Variants in GNB1L observed in about 807,000 individuals in gnomAD.
GNB1L encodes the protein G protein subunit beta 1 like.
In GNB1L, 20 loss-of-function variants were observed where a neutral mutation model predicts 29.1. That is an observed-to-expected ratio of 0.69 (90% CI 0.48 to 1.00). The LOEUF is 1.00. Ranked by LOEUF, GNB1L falls within the 50% of genes least tolerant of loss-of-function variation. The pLI is 0.00. For synonymous variants in GNB1L, 193 were observed against 206.5 expected (o/e 0.93, Z 0.56); for missense variants, 421 against 464.9 (o/e 0.91, Z 0.87).
chr22:19,848,079 A>G (rs1456684328), intron 2 of GNB1L: 8 of 985,174 alleles, frequency 8.1e-6, no homozygotes, highest in Non-Finnish European at 9.6e-6. Context: ...TGCTTTAACT[A>G]TTGTGGCTTT....
Position 19,784,045 on chromosome 22 carries a change from A to G in GNB1L, c.*4664T>C, listed in dbSNP as rs2073762. The stretch of plus-strand genomic sequence containing the variant: ...GGACCACAGGGCTGGTGGGGCTGGC[A>G]GCTTGGTAGAGGGCAGGTGCACAGC... On this transcript the variant is annotated 3_prime_UTR_variant, in exon 8 of 8. Transcript: ENST00000329517. The G allele has an allele frequency of 0.52, 78,825 of 152,190 alleles. 21,262 individuals are homozygous for G. The highest frequency in any genetic ancestry group is 0.66 in the African/African-American group (27,282 of 41,490). The allele number at this position is 152,190 out of a possible 1,614,324, so 9.4% of individuals were successfully genotyped here.
At chr22:19,847,455 A>G in intron 2 of GNB1L, 1 of 985,422 alleles carries the variant, frequency 1.0e-6, no homozygotes, top group Non-Finnish European at 1.2e-6. Context: ...CAGCCAAGGC[A>G]CTGCATGGGC....
chr22:19,842,589 G>C (rs1937880869), intron 2 of GNB1L, among the ~76,000 whole-genome samples: 1 of 152,230 alleles, frequency 6.6e-6, no homozygotes, highest in African/African-American at 2.4e-5. Flanking sequence ...CCCTTCAAGG[G>C]AGGCCAGACC....
intron 2 of GNB1L, chr22:19,847,744 A>C: frequency 1.0e-6 from 1 of 972,834 alleles, no homozygotes; most frequent in African/African-American, 1.8e-5. Context: ...GAGAAGGTCC[A>C]CTTCTCCATA....
At chr22:19,845,088 T>C (rs180846707) in intron 2 of GNB1L, among the ~76,000 whole-genome samples, 72 of 152,300 alleles carry the variant, frequency 4.7e-4, no homozygotes, top group South Asian at 2.1e-3. Context: ...GGGACTTGCC[T>C]GTGTGGCTCC....
At chr22:19,809,871 C>T (rs965852449) in intron 5 of GNB1L, among the ~76,000 whole-genome samples, 1 of 152,204 alleles carries the variant, frequency 6.6e-6, no homozygotes, top group Non-Finnish European at 1.5e-5. Flanking sequence ...AACTCCTGAG[C>T]TCAAGTAACC....
rs1315678705 is a variant in GNB1L at position 19,788,741 on chromosome 22, T to C, written c.952A>G (p.Ile318Val). 1 of 1,611,216 alleles carries C rather than the reference T, an allele frequency of 6.2e-7. No homozygotes were observed. ...CGTGGGTAGAGTGACCAGAGGCTGA[T>C]CCGCTGATCCTTGGAGCCCGCGGCC... ...LLAAGSKDQR[I>V]SLWSLYPRA is the part of the protein sequence containing the mutation. The change falls in exon 8 of 8, where the codon ATC becomes GTC. Residue 318 changes from isoleucine to valine, a missense_variant. Coordinates refer to ENST00000329517, the MANE Select transcript of GNB1L (RefSeq NM_053004.3).
chr22:19,791,354 C>A (rs1937251381), intron 7 of GNB1L, among the ~76,000 whole-genome samples: 3 of 152,228 alleles, frequency 2.0e-5, no homozygotes, highest in African/African-American at 7.2e-5. Context: ...AGTCTTCTTG[C>A]TGTAAACAAC....
rs1937381232 is a variant in GNB1L, at chr22:19,802,153, C to G, written c.580G>C (p.Asp194His). 1 of 1,613,098 alleles carries G rather than the reference C, an allele frequency of 6.2e-7. No homozygotes were observed. The highest frequency in any genetic ancestry group is 1.3e-5 in the African/African-American group (1 of 74,914). ...CTGCACACCTTCTGCTCAGAGACGT[C>G]CCACAGGACCACCGATCCATCCTCA... The part of the protein sequence containing the change: ...GYEDGSVVLW[D>H]VSEQKVCSRI... The change falls in exon 7 of 8, where the codon GAC becomes CAC. Residue 194 changes from aspartate to histidine, a missense_variant. Transcript: ENST00000329517.
chr22:19,829,446 A>G (rs1458002120), intron 2 of GNB1L, among the ~76,000 whole-genome samples: 2 of 152,248 alleles, frequency 1.3e-5, no homozygotes, highest in Non-Finnish European at 2.9e-5. Context: ...TAGAAATTTA[A>G]AAACAACTTT....
chr22:19,821,043 G>A (rs1394000800), intron 3 of GNB1L, among the ~76,000 whole-genome samples, 185 bp downstream of exon 3: 2 of 152,216 alleles, frequency 1.3e-5, no homozygotes, highest in African/African-American at 4.8e-5. Flanking sequence ...GAGTGTGTGT[G>A]TGTGTCCCTG....
intron 2 of GNB1L, chr22:19,848,564 A>G: frequency 1.0e-6 from 1 of 985,528 alleles, no homozygotes; most frequent in Non-Finnish European, 1.2e-6. Context: ...AAACCTGGAC[A>G]TCACCACTTC....
chr22:19,823,010 C>T (rs73379955), intron 2 of GNB1L, among the ~76,000 whole-genome samples: 18,926 of 152,144 alleles, frequency 0.12, 1,467 homozygotes, highest in Middle Eastern at 0.23. Flanking sequence ...CCCAAGCGGG[C>T]GGCATGGGGG....
At chr22:19,850,402 G>A in intron 2 of GNB1L, 2 of 990,338 alleles carry the variant, frequency 2.0e-6, no homozygotes, top group South Asian at 4.7e-5. Context: ...AGTGCGGAGT[G>A]AGCAGGGGAT....
chr22:19,852,317 T>C, intron 2 of GNB1L: 1 of 1,541,566 alleles, frequency 6.5e-7, no homozygotes, highest in Non-Finnish European at 8.8e-7. Context: ...GGTGGGGGTG[T>C]GGACAGATGT....
At chr22:19,820,747 G>A (rs777629866) in intron 3 of GNB1L, 24 bp from the exon 4 acceptor site, 3 of 1,599,806 alleles carry the variant, frequency 1.9e-6, no homozygotes, top group East Asian at 2.2e-5. Context: ...GCCGAGCAGG[G>A]TGTCAGGGGG....
intron 2 of GNB1L, among the ~76,000 whole-genome samples, chr22:19,826,290 C>T (rs1937619240): frequency 6.6e-6 from 1 of 152,228 alleles, no homozygotes; most frequent in Non-Finnish European, 1.5e-5. Flanking sequence ...CCCTAACTCA[C>T]ACCACCTTGA....
intron 5 of GNB1L, among the ~76,000 whole-genome samples, chr22:19,808,307 A>AG (rs1937459920): frequency 6.6e-6 from 1 of 152,230 alleles, no homozygotes; most frequent in Admixed American, 6.5e-5. Flanking sequence ...CAGGGGCCTC[A>AG]GGGGGAGCCA....
intron 6 of GNB1L, 48 bp from the exon 7 acceptor site, chr22:19,802,264 A>G: frequency 1.3e-6 from 2 of 1,502,780 alleles, no homozygotes; most frequent in Non-Finnish European, 1.8e-6. Flanking sequence ...CCCTGACTCC[A>G]GTGAGTTTCG....
Sources: gnomAD v4.1 joint callset for allele counts (sites outside exome capture counted in the v4.1 genomes callset) on GRCh38, gnomAD v4.1.1 for gene constraint, MANE v1.5 for transcripts, NCBI Gene and HGNC (gene_info 2026-07-23, HGNC 2026-07-21) for gene names.